MYO1B: variants seen among roughly 807,000 people sequenced by gnomAD.
MYO1B encodes the protein unconventional myosin-Ib.
A neutral mutation model predicts 159.7 loss-of-function variants in MYO1B; 72 were observed. The ratio of observed to expected loss-of-function variants is 0.45; its 90% confidence interval spans 0.37 to 0.55. The LOEUF (loss-of-function observed/expected upper bound fraction) is 0.55, where lower values mean the gene tolerates loss of function less well. Ranked by LOEUF, MYO1B falls within the 20% of genes least tolerant of loss-of-function variation. The pLI is 0.00. For synonymous variants in MYO1B, 468 were observed against 473.8 expected (o/e 0.99, Z 0.16); for missense variants, 1,062 against 1,364.8 (o/e 0.78, Z 3.50).
At chr2:191,314,369 T>C (rs1156556035) in intron 3 of MYO1B, among the ~76,000 whole-genome samples, 1 of 152,200 alleles carries the variant, frequency 6.6e-6, no homozygotes, top group Admixed American at 6.5e-5. Flanking sequence ...ACAGAAATAG[T>C]TGATATGTGA....
intron 15 of MYO1B, among the ~76,000 whole-genome samples, chr2:191,384,098 A>G (rs190165743): frequency 6.6e-6 from 1 of 152,346 alleles, no homozygotes; most frequent in East Asian, 1.9e-4. Flanking sequence ...GTGAAAAATT[A>G]TTGGATAATT....
At chr2:191,339,337 A>G (rs1692063695) in intron 4 of MYO1B, among the ~76,000 whole-genome samples, 2 of 152,226 alleles carry the variant, frequency 1.3e-5, no homozygotes, top group Non-Finnish European at 2.9e-5. Flanking sequence ...ATAATAGTAT[A>G]TAAAGTCTTT....
chr2:191,324,822 C>T (rs1173868823), intron 3 of MYO1B, among the ~76,000 whole-genome samples: 1 of 152,060 alleles, frequency 6.6e-6, no homozygotes, highest in Non-Finnish European at 1.5e-5. Flanking sequence ...TAAAGTTTTA[C>T]CTTAAGATGT....
At chr2:191,245,847 C>G (rs1283503378) in intron 1 of MYO1B, 2 of 150,132 alleles carry the variant, frequency 1.3e-5, no homozygotes, top group Admixed American at 1.3e-4. Flanking sequence ...TCCGCAGTGG[C>G]TTCGGGGGTG....
At chr2:191,341,220 A>AG (rs1230075467) in intron 4 of MYO1B, among the ~76,000 whole-genome samples, 1 of 150,200 alleles carries the variant, frequency 6.7e-6, no homozygotes, top group Non-Finnish European at 1.5e-5. Context: ...GTTACTAAGC[A>AG]GTTTTTTTAA....
At chr2:191,301,372 A>G (rs1210257217) in intron 3 of MYO1B, among the ~76,000 whole-genome samples, 5 of 152,328 alleles carry the variant, frequency 3.3e-5, no homozygotes, top group Non-Finnish European at 5.9e-5. Context: ...GATGAGGGAA[A>G]TAATCAAACT....
At chr2:191,322,436 T>C (rs1465006158) in intron 3 of MYO1B, among the ~76,000 whole-genome samples, 1 of 152,138 alleles carries the variant, frequency 6.6e-6, no homozygotes, top group Non-Finnish European at 1.5e-5. Context: ...AAAGAGTCAC[T>C]CTTTGGCCCA....
chr2:191,373,395 G>C (rs1289784147), intron 13 of MYO1B, among the ~76,000 whole-genome samples: 1 of 152,188 alleles, frequency 6.6e-6, no homozygotes, highest in African/African-American at 2.4e-5. Flanking sequence ...TTAGACAGTA[G>C]TCTCTGGAGT....
intron 13 of MYO1B, among the ~76,000 whole-genome samples, chr2:191,374,338 A>G (rs568470556): frequency 1.3e-5 from 2 of 152,238 alleles, no homozygotes; most frequent in Admixed American, 1.3e-4. Flanking sequence ...GTATTTTTTT[A>G]TTTGTTCTGT....
chr2:191,304,292 CG>C (rs1321769770), intron 3 of MYO1B, among the ~76,000 whole-genome samples: 1 of 152,170 alleles, frequency 6.6e-6, no homozygotes, highest in Non-Finnish European at 1.5e-5. Flanking sequence ...TTCTTTCAGC[CG>C]GGCACGTTGG....
chr2:191,315,305 A>G (rs1256403910), intron 3 of MYO1B, among the ~76,000 whole-genome samples: 1 of 152,192 alleles, frequency 6.6e-6, no homozygotes, highest in East Asian at 1.9e-4. Context: ...GTTCAGATAC[A>G]TGTGAAGATC....
chr2:191,273,820 C>A (rs181599039), intron 1 of MYO1B, among the ~76,000 whole-genome samples: 1 of 152,152 alleles, frequency 6.6e-6, no homozygotes, highest in Admixed American at 6.5e-5. Flanking sequence ...GAGCCCCATG[C>A]GAATTCTTCT....
At chr2:191,389,812 C>T (rs568121169) in intron 17 of MYO1B, among the ~76,000 whole-genome samples, 1 of 152,268 alleles carries the variant, frequency 6.6e-6, no homozygotes, top group African/African-American at 2.4e-5. Flanking sequence ...TGAAGTTTTA[C>T]AGATGTATGT....
chr2:191,264,670 T>C lies in MYO1B; in HGVS notation c.-9-12217T>C, dbSNP rs1322496246. Among the ~76,000 whole-genome samples the C allele has an allele frequency of 9.9e-5, 15 of 152,148 alleles. No individual in the cohort carries two copies. In the South Asian group the frequency reaches 2.9e-3, roughly 30 times the overall value. ...GCACTCTTAATATATTTTATTTTGG[T>C]TATGAGATCAGAATAAAGAGAGCTG... On this transcript the variant is annotated intron_variant, in intron 1 of 30. Coordinates refer to ENST00000392318, the MANE Select transcript of MYO1B (RefSeq NM_001130158.3).
chr2:191,355,772 A>G (rs1693235783), intron 7 of MYO1B, among the ~76,000 whole-genome samples: 1 of 152,136 alleles, frequency 6.6e-6, no homozygotes, highest in Non-Finnish European at 1.5e-5. Flanking sequence ...AGGAGTGAGT[A>G]AGGGGCCAGC....
At chr2:191,355,775 G>C (rs13415121) in intron 7 of MYO1B, among the ~76,000 whole-genome samples, 3,359 of 152,264 alleles carry the variant, frequency 0.022, 115 homozygotes, top group African/African-American at 0.075. Context: ...AGTGAGTAAG[G>C]GGCCAGCACG....
At chr2:191,360,602 C>T in intron 7 of MYO1B, 29 bp from the exon 8 acceptor site, 1 of 1,398,374 alleles carries the variant, frequency 7.2e-7, no homozygotes, top group Middle Eastern at 1.8e-4. Context: ...GAAACAAATG[C>T]CATACTATGA....
intron 10 of MYO1B, 56 bp from the exon 11 acceptor site, chr2:191,364,102 A>G: frequency 7.0e-7 from 1 of 1,423,962 alleles, no homozygotes; most frequent in Non-Finnish European, 9.9e-7. Context: ...CTTCAAAATT[A>G]TTATTAGCAG....
intron 1 of MYO1B, among the ~76,000 whole-genome samples, chr2:191,259,768 T>G (rs1574279683): frequency 6.6e-6 from 1 of 151,980 alleles, no homozygotes; most frequent in Non-Finnish European, 1.5e-5. Flanking sequence ...GCAGAAAGAG[T>G]TGGAGTCTGG....
Sources: allele counts gnomAD v4.1 joint callset (sites outside exome capture counted in the v4.1 genomes callset), GRCh38; gene constraint gnomAD v4.1.1; transcripts MANE v1.5; gene names NCBI Gene and HGNC (gene_info 2026-07-23, HGNC 2026-07-21).